Variants in MDN1 observed in about 807,000 individuals in gnomAD.
MDN1 encodes midasin AAA ATPase 1.
A neutral mutation model predicts 669.2 loss-of-function variants in MDN1; 266 were observed. The observed-to-expected ratio is 0.40, with a 90% CI of 0.36 to 0.44. The LOEUF (loss-of-function observed/expected upper bound fraction) is 0.44, where lower values mean the gene tolerates loss of function less well. Ranked by LOEUF, MDN1 falls within the 20% of genes least tolerant of loss-of-function variation. MDN1 has a pLI of 1.00. For synonymous variants in MDN1, 2,385 were observed against 2,457.1 expected (o/e 0.97, Z 0.87); for missense variants, 5,940 against 6,754.0 (o/e 0.88, Z 4.22).
chr6:89,668,010 G>C lies in MDN1; in HGVS notation c.14094+4C>G, dbSNP rs569305868. On this transcript the variant is annotated splice_donor_region_variant and intron_variant, in intron 84 of 101. Transcript: ENST00000369393. ...GTCAACTGTATACCTATGTGAAAAC[G>C]TACCTGTTCTTCATTTCCGATCTGG... The C allele has an allele frequency of 1.4e-5, 23 of 1,613,864 alleles. No individual in the cohort carries two copies. The highest frequency in any genetic ancestry group is 3.3e-5 in the South Asian group (3 of 91,034).
rs116304843 is a variant in MDN1, at chr6:89,790,423, C to T, written c.856-22G>A. On this transcript the variant is annotated intron_variant, in intron 5 of 101. Transcript: ENST00000369393. ...CACCCTAAAGAGGCAAGACAAAAGCCATGTCAAGAAGAGTTCTTCCCCCAA... is the reference window on the plus strand; with the variant it reads ...CACCCTAAAGAGGCAAGACAAAAGCTATGTCAAGAAGAGTTCTTCCCCCAA... The T allele has an allele frequency of 1.9e-6, 3 of 1,613,466 alleles. No individual in the cohort carries two copies. In the South Asian group the frequency reaches 3.3e-5, roughly 18 times the overall value.
chr6:89,709,298 A>G (rs574923460), intron 50 of MDN1, among the ~76,000 whole-genome samples: 9 of 152,320 alleles, frequency 5.9e-5, no homozygotes, highest in East Asian at 1.9e-4. Flanking sequence ...TCCACCATAT[A>G]GTAGACTACC....
In MDN1 at chr6:89,700,311, ATGT is replaced by A. The variant is rs1179172460; in HGVS notation, c.8639-20_8639-18del. ...TCAATTCATCTGGACAAAAAGACAA[ATGT>A]TGTATGAGAGCACAATGGTTAAGAG... On this transcript the variant is annotated intron_variant, in intron 56 of 101. Coordinates refer to ENST00000369393, the MANE Select transcript of MDN1 (RefSeq NM_014611.3). The A allele has an allele frequency of 5.0e-6, 8 of 1,587,814 alleles. No homozygotes were observed. The highest frequency in any genetic ancestry group is 1.7e-5 in the Admixed American group (1 of 59,982).
At chr6:89,735,938 T>C (rs1274211008) in intron 33 of MDN1, among the ~76,000 whole-genome samples, 1 of 152,150 alleles carries the variant, frequency 6.6e-6, no homozygotes, top group African/African-American at 2.4e-5. Context: ...GAGAATTGCT[T>C]GAACCCAGGA....
chr6:89,798,195 A>AG (rs1271982130), intron 2 of MDN1, among the ~76,000 whole-genome samples: 2 of 149,322 alleles, frequency 1.3e-5, no homozygotes, highest in African/African-American at 4.9e-5. Context: ...AAAAAAAAAA[A>AG]AAAAAAAGAA....
intron 81 of MDN1, 86 bp from the exon 82 acceptor site, chr6:89,672,449 C>T (rs1400053796): frequency 6.3e-7 from 1 of 1,594,122 alleles, no homozygotes. Flanking sequence ...TTATCTGTTT[C>T]TAACATCCAT....
intron 19 of MDN1, 87 bp downstream of exon 19, chr6:89,758,168 C>A: frequency 2.8e-6 from 3 of 1,056,458 alleles, no homozygotes; most frequent in Non-Finnish European, 4.3e-6. Flanking sequence ...TTGCAGTGAG[C>A]CAAGATCACG....
chr6:89,720,032 A>T (rs12524904), intron 40 of MDN1, among the ~76,000 whole-genome samples: 13,390 of 152,176 alleles, frequency 0.088, 750 homozygotes, highest in East Asian at 0.22. Flanking sequence ...CCAGAAAAAA[A>T]ATAAATAAAG....
rs1264050824 is a variant in MDN1 at position 89,690,778 on chromosome 6, C to T, written c.10644G>A (p.Gln3548=). 6.2e-7 allele frequency: 1 copy of T among 1,614,156 alleles called. No individual in the cohort carries two copies. The highest frequency in any genetic ancestry group is 8.5e-7 in the Non-Finnish European group (1 of 1,180,012). Residue 3548 remains glutamine, a synonymous_variant, in exon 64 of 102, where the codon CAG becomes CAA. Coordinates refer to ENST00000369393, the MANE Select transcript of MDN1 (RefSeq NM_014611.3). ...QERIAQEKAE[Q]ESGLYRYRSR... is the part of the protein sequence containing the mutation. ...TCCTGTATCTATACAGGCCGCTTTC[C>T]TGCTCAGCCTTCTCTTGGGCTATGC...
At position 89,653,038 on chromosome 6, in the gene MDN1, G is replaced by A. The variant is rs116142530; in HGVS notation, c.15779C>T (p.Ser5260Phe). The A allele has an allele frequency of 1.5e-5, 25 of 1,614,184 alleles. No individual in the cohort carries two copies. Among genetic ancestry groups the A allele is most frequent in the Non-Finnish European group, 2.0e-5 (24 of 1,180,020 alleles). Residue 5260 changes from serine (S) to phenylalanine (F), a missense_variant, in exon 94 of 102, where the codon TCT becomes TTT. This residue lies in a region of MDN1 where 2,280 missense variants were observed against 2,576.3 expected (regional missense o/e 0.88). Coordinates refer to ENST00000369393, the MANE Select transcript of MDN1 (RefSeq NM_014611.3). ...ENEKPERSRE[S>F]TIHTAHQFLM... ...GAATTGATGAGCTGTATGAATGGTA[G>A]ACTCTCGGCTTCTTTCTGGTTTCTC... is the stretch of plus-strand genomic sequence containing the variant.
chr6:89,729,545 G>C (rs1474026875), intron 35 of MDN1, among the ~76,000 whole-genome samples: 13 of 152,090 alleles, frequency 8.5e-5, no homozygotes, highest in Non-Finnish European at 1.9e-4. Flanking sequence ...TTCATCCAAT[G>C]TTTTTGGCCA....
intron 90 of MDN1, 86 bp downstream of exon 90, chr6:89,658,123 C>A (rs1809455544): frequency 6.6e-7 from 1 of 1,512,174 alleles, no homozygotes. Flanking sequence ...CATAAACCAA[C>A]TAATGCTACA....
At chr6:89,747,507 G>T in intron 26 of MDN1, 37 bp from the exon 27 acceptor site, 1 of 1,595,526 alleles carries the variant, frequency 6.3e-7, no homozygotes. Context: ...AGGGGCATCA[G>T]CTGCAATGCA....
intron 73 of MDN1, 41 bp downstream of exon 73, chr6:89,683,091 C>G (rs533417453): frequency 1.9e-6 from 3 of 1,600,368 alleles, no homozygotes; most frequent in African/African-American, 2.7e-5. Context: ...TCCCACTTGA[C>G]TGGCTTGGGA....
chr6:89,806,431 G>C (rs1352090521), intron 1 of MDN1, among the ~76,000 whole-genome samples: 1 of 152,016 alleles, frequency 6.6e-6, no homozygotes, highest in Non-Finnish European at 1.5e-5. Context: ...AAATTAGCTG[G>C]TGTGGCCAGG....
intron 90 of MDN1, 43 bp from the exon 91 acceptor site, chr6:89,656,844 T>C: frequency 1.3e-6 from 2 of 1,521,542 alleles, no homozygotes; most frequent in Non-Finnish European, 1.8e-6. Flanking sequence ...AAAGAAGCTA[T>C]TACAAGTCCC....
At position 89,758,933 on chromosome 6, in the gene MDN1, C is replaced by T. The variant is rs1200871355; in HGVS notation, c.2488G>A (p.Gly830Arg). Residue 830 changes from glycine to arginine, a missense_variant, in exon 18 of 102, where the codon GGA (glycine) becomes AGA (arginine). Physicochemically the swap from Gly to Arg is moderately radical, Grantham distance 125. Coordinates refer to ENST00000369393, the MANE Select transcript of MDN1 (RefSeq NM_014611.3). The stretch of plus-strand genomic sequence containing the variant: ...ATCTCATCCAACAAGATCCACTCTC[C>T]TTTCTTTACAGCCTGAGCTAATGTA... ...EGTLAQAVKK[G>R]EWILLDEINL... 1.9e-6 allele frequency: 3 copies of T among 1,613,896 alleles called. No homozygotes were observed. In the Admixed American group the frequency reaches 5.0e-5, roughly 27 times the overall value.
chr6:89,655,589 G>A (rs925319000), intron 92 of MDN1, among the ~76,000 whole-genome samples, 175 bp downstream of exon 92: 1 of 152,090 alleles, frequency 6.6e-6, no homozygotes, highest in African/African-American at 2.4e-5. Context: ...CCTGATATAA[G>A]TGTATACAAT....
chr6:89,690,627 A>T, intron 64 of MDN1, 46 bp downstream of exon 64: 1 of 1,607,400 alleles, frequency 6.2e-7, no homozygotes, highest in Middle Eastern at 1.7e-4. Context: ...TGTATATGGC[A>T]TCAAGGGAAT....
Sources: gnomAD v4.1 joint callset for allele counts (sites outside exome capture counted in the v4.1 genomes callset) on GRCh38, gnomAD v4.1.1 for gene constraint, gnomAD v4.1.1 regional missense constraint, MANE v1.5 for transcripts, NCBI Gene and HGNC (gene_info 2026-07-23, HGNC 2026-07-21) for gene names.